The following FLI1 variants were observed in gnomAD, a reference collection of about 807,000 sequenced individuals.
FLI1 encodes Fli-1 proto-oncogene, ETS transcription factor, also known as Friend leukemia integration 1 transcription factor.
FLI1 carries 13 observed loss-of-function variants against 53.1 expected under a neutral mutation model. The observed-to-expected ratio is 0.24, with a 90% CI of 0.16 to 0.39. The LOEUF is 0.39. Among genes scored for constraint, FLI1 ranks in the 10% least tolerant of loss-of-function variants. The pLI, the probability that FLI1 is intolerant of heterozygous loss-of-function variation, is 1.00. For synonymous variants in FLI1, 244 were observed against 236.7 expected, an observed-to-expected ratio of 1.03 and a Z score of -0.28; for missense variants, 424 against 600.5, an observed-to-expected ratio of 0.71 and a Z score of 3.07.
intron 1 of FLI1, among the ~76,000 whole-genome samples, chr11:128,724,398 G>C (rs887310114): frequency 6.6e-6 from 1 of 152,174 alleles, no homozygotes; most frequent in African/African-American, 2.4e-5. Context: ...CACAGGTGAG[G>C]CCTGACCCCA....
At chr11:128,702,789 G>C (rs1172287785) in intron 1 of FLI1, among the ~76,000 whole-genome samples, 1 of 151,980 alleles carries the variant, frequency 6.6e-6, no homozygotes, top group African/African-American at 2.4e-5. Flanking sequence ...TTGAACATAG[G>C]AGGTGGAGGT....
intron 1 of FLI1, among the ~76,000 whole-genome samples, chr11:128,724,912 C>G (rs1457536768): frequency 6.6e-6 from 1 of 152,152 alleles, no homozygotes; most frequent in Non-Finnish European, 1.5e-5. Flanking sequence ...TTTGATTAAG[C>G]CTGCAGAGAA....
chr11:128,706,102 C>T (rs1938536380), intron 1 of FLI1, among the ~76,000 whole-genome samples: 1 of 152,188 alleles, frequency 6.6e-6, no homozygotes, highest in Admixed American at 6.5e-5. Context: ...CACCTCTCTA[C>T]ATAGGGTTTA....
intron 1 of FLI1, among the ~76,000 whole-genome samples, chr11:128,750,884 C>G (rs1388160831): frequency 6.6e-6 from 1 of 152,252 alleles, no homozygotes; most frequent in South Asian, 2.1e-4. Context: ...GATGTACCCA[C>G]GCCATTCTTC....
chr11:128,768,685 T>C (rs1397842493), intron 3 of FLI1, among the ~76,000 whole-genome samples: 1 of 71,380 alleles, frequency 1.4e-5, no homozygotes, highest in African/African-American at 6.8e-5. Flanking sequence ...TGAGACTCTG[T>C]CTCAAAAAAA....
intron 4 of FLI1, among the ~76,000 whole-genome samples, chr11:128,778,845 C>G (rs1351237075): frequency 6.6e-6 from 1 of 152,158 alleles, no homozygotes; most frequent in African/African-American, 2.4e-5. Context: ...GGCCAGACTC[C>G]AGGAGGACCT....
chr11:128,751,641 CT>C (rs1238717735), intron 1 of FLI1, among the ~76,000 whole-genome samples: 1 of 152,080 alleles, frequency 6.6e-6, no homozygotes, highest in Non-Finnish European at 1.5e-5. Context: ...ATTCTCCCAC[CT>C]CAGCCTCCCA....
chr11:128,809,808 C>T (rs1411634591), intron 8 of FLI1, among the ~76,000 whole-genome samples: 6 of 152,180 alleles, frequency 3.9e-5, no homozygotes, highest in Middle Eastern at 3.2e-3. Context: ...ATCCCAGGGA[C>T]TCTGCCTACC....
intron 1 of FLI1, among the ~76,000 whole-genome samples, chr11:128,721,400 A>AT (rs537222855): frequency 6.2e-4 from 95 of 152,338 alleles, no homozygotes; most frequent in African/African-American, 2.3e-3. Context: ...AGAAACTAGA[A>AT]TTGAAGAGTC....
In FLI1 at chr11:128,758,220, T is replaced by A. The variant is rs148200397; in HGVS notation, c.124T>A (p.Tyr42Asn). The A allele has an allele frequency of 6.2e-7, 1 of 1,613,256 alleles. No homozygotes were observed. Among genetic ancestry groups the A allele is most frequent in the African/African-American group, 1.3e-5 (1 of 74,954 alleles). Residue 42 changes from tyrosine (Y) to asparagine (N), a missense_variant, in exon 2 of 9, where the codon TAC becomes AAC. Tyr to Asn is a moderately radical substitution (Grantham distance 143, BLOSUM62 -2). Around this residue, in one of 5 missense-constraint regions of FLI1, gnomAD observed 137 missense variants for 169.1 expected, o/e 0.81. Transcript: ENST00000527786. Reference sequence around the variant, plus strand: ...CATGACTGCCTCGGGGAGTCCTGACTACGGGCAGCCCCACAAGATCAACCC... The same window carrying A: ...CATGACTGCCTCGGGGAGTCCTGACAACGGGCAGCCCCACAAGATCAACCC... ...ADMTASGSPD[Y>N]GQPHKINPLP...
rs539248785 is a variant in FLI1, at chr11:128,709,783, C to T, written c.18+15507C>T. 1.8e-4 allele frequency among the ~76,000 whole-genome samples: 27 copies of T among 152,290 alleles called. No homozygotes were observed. The South Asian group carries it at 2.7e-3, about 15-fold the overall frequency. ...ATGGCTGCCTCCACCCATACATCTACGCCACCTCTTCTATTATCTTCCCCA... is the reference window on the plus strand; with the variant it reads ...ATGGCTGCCTCCACCCATACATCTATGCCACCTCTTCTATTATCTTCCCCA... On this transcript the variant is annotated intron_variant, in intron 1 of 8. Transcript: ENST00000527786.
intron 1 of FLI1, among the ~76,000 whole-genome samples, chr11:128,747,121 C>T (rs1376712761): frequency 6.6e-6 from 1 of 152,242 alleles, no homozygotes; most frequent in East Asian, 1.9e-4. Flanking sequence ...ACAACATTCA[C>T]ATCATGACAA....
intron 1 of FLI1, among the ~76,000 whole-genome samples, chr11:128,728,469 G>GCT: frequency 6.6e-6 from 1 of 152,278 alleles, no homozygotes. Context: ...TGCTGGTGGT[G>GCT]CTCCTGCGTG....
At chr11:128,800,441 T>C (rs1163655824) in intron 5 of FLI1, among the ~76,000 whole-genome samples, 1 of 152,212 alleles carries the variant, frequency 6.6e-6, no homozygotes, top group Non-Finnish European at 1.5e-5. Flanking sequence ...GAGCGCTGCA[T>C]GCCGGCAGGG....
intron 3 of FLI1, among the ~76,000 whole-genome samples, chr11:128,771,252 G>A (rs929795157): frequency 2.6e-5 from 4 of 152,242 alleles, no homozygotes; most frequent in African/African-American, 9.6e-5. Flanking sequence ...TCAGCAGCAG[G>A]CTGTGACCTG....
intron 4 of FLI1, among the ~76,000 whole-genome samples, chr11:128,780,859 A>T (rs1310379836): frequency 6.6e-6 from 1 of 152,180 alleles, no homozygotes. Context: ...ACATGTGTTG[A>T]GCTTATGGTA....
intron 1 of FLI1, among the ~76,000 whole-genome samples, chr11:128,719,356 C>CGTGT (rs56336914): frequency 0.044 from 6,419 of 145,196 alleles, 152 homozygotes; most frequent in Admixed American, 0.055. Context: ...CCCCTTTTCC[C>CGTGT]GTGTGTGTGT....
chr11:128,721,973 G>A (rs1196139375), intron 1 of FLI1, among the ~76,000 whole-genome samples: 2 of 152,158 alleles, frequency 1.3e-5, no homozygotes, highest in Non-Finnish European at 2.9e-5. Context: ...TGGTCATCTT[G>A]AGTAGTGGGA....
At chr11:128,778,345 T>C (rs545315290) in intron 4 of FLI1, among the ~76,000 whole-genome samples, 1 of 152,270 alleles carries the variant, frequency 6.6e-6, no homozygotes, top group African/African-American at 2.4e-5. Context: ...TTCAGCCCCC[T>C]GTACCCTCTC....
Sources: allele counts gnomAD v4.1 joint callset (sites outside exome capture counted in the v4.1 genomes callset), GRCh38; gene constraint gnomAD v4.1.1; regional missense constraint gnomAD v4.1.1; transcripts MANE v1.5; gene names NCBI Gene and HGNC (gene_info 2026-07-23, HGNC 2026-07-21).